LRRN2: variants seen among roughly 807,000 people sequenced by gnomAD.
LRRN2 encodes the protein leucine rich repeat neuronal 2, also known as leucine-rich repeat neuronal protein 2.
Under a neutral mutation model 35.7 loss-of-function variants are expected in LRRN2, and 10 were observed. That is an observed-to-expected ratio of 0.28 (90% CI 0.17 to 0.47). LRRN2 has a LOEUF of 0.47. LRRN2 is among the 20% of genes least tolerant of loss of function. The probability of loss-of-function intolerance (pLI) is 0.99; values close to 1 mark genes in which losing one functional copy is unlikely to be tolerated. For missense variants in LRRN2, 731 were observed against 940.3 expected, an observed-to-expected ratio of 0.78 and a Z score of 2.91; for synonymous variants, 391 against 409.6, an observed-to-expected ratio of 0.95 and a Z score of 0.55.
intron 1 of LRRN2, among the ~76,000 whole-genome samples, chr1:204,671,922 G>A (rs546955533): frequency 3.0e-4 from 46 of 152,312 alleles, no homozygotes; most frequent in South Asian, 1.9e-3. Flanking sequence ...GTGAGCCCGT[G>A]AAGGGACTGT....
At chr1:204,680,506 G>A (rs16854117) in intron 1 of LRRN2, among the ~76,000 whole-genome samples, 27,473 of 152,214 alleles carry the variant, frequency 0.18, 2,766 homozygotes, top group East Asian at 0.37. Flanking sequence ...AGGCCAAGGC[G>A]TCTCCCAGGT....
At chr1:204,672,160 T>A (rs1342899979) in intron 1 of LRRN2, among the ~76,000 whole-genome samples, 1 of 152,224 alleles carries the variant, frequency 6.6e-6, no homozygotes, top group Non-Finnish European at 1.5e-5. Flanking sequence ...GCACATGAAG[T>A]AGCCCCTCCA....
At position 204,619,126 on chromosome 1, in the gene LRRN2, C is replaced by A. The variant is rs1481998532; in HGVS notation, c.867G>T (p.Glu289Asp). 1 of 1,613,126 alleles carries A rather than the reference C, an allele frequency of 6.2e-7. No individual in the cohort carries two copies. Among genetic ancestry groups the A allele is most frequent in the South Asian group, 1.1e-5 (1 of 90,982 alleles). ...GCTCCTCCATGTTGTTCAGTCCCAGCTCCTTAAGGTGCAGCATGTTGGCAA... is the reference window on the plus strand; with the variant it reads ...GCTCCTCCATGTTGTTCAGTCCCAGATCCTTAAGGTGCAGCATGTTGGCAA... The part of the protein sequence containing the change: ...GDFANMLHLK[E>D]LGLNNMEELV... Residue 289 changes from glutamate (E) to aspartate (D), a missense_variant, in exon 2 of 2, where the codon GAG becomes GAT. Around this residue, in one of 3 missense-constraint regions of LRRN2, gnomAD observed 256 missense variants for 392.4 expected, o/e 0.65. Coordinates refer to ENST00000367177, the MANE Select transcript of LRRN2 (RefSeq NM_201630.2).
At chr1:204,656,125 G>T (rs1239406342) in intron 1 of LRRN2, among the ~76,000 whole-genome samples, 2 of 151,948 alleles carry the variant, frequency 1.3e-5, no homozygotes, top group African/African-American at 4.8e-5. Context: ...TAGCCAGGAT[G>T]GTCTCGATCT....
intron 1 of LRRN2, among the ~76,000 whole-genome samples, chr1:204,623,658 G>T (rs1032628452): frequency 1.3e-5 from 2 of 152,302 alleles, no homozygotes; most frequent in South Asian, 2.1e-4. Flanking sequence ...AGTTTCTACC[G>T]GGGAGCTGCA....
intron 1 of LRRN2, among the ~76,000 whole-genome samples, chr1:204,654,283 C>A (rs560222062): frequency 6.6e-6 from 1 of 152,082 alleles, no homozygotes; most frequent in Admixed American, 6.5e-5. Flanking sequence ...GTACGAGGAG[C>A]CTTCTGGGTA....
At chr1:204,668,018 G>T (rs553398240) in intron 1 of LRRN2, among the ~76,000 whole-genome samples, 1 of 152,272 alleles carries the variant, frequency 6.6e-6, no homozygotes, top group East Asian at 1.9e-4. Context: ...CTCACTCTGT[G>T]GACTCTCTGG....
chr1:204,675,245 G>A, intron 1 of LRRN2, among the ~76,000 whole-genome samples: 1 of 152,200 alleles, frequency 6.6e-6, no homozygotes, highest in East Asian at 1.9e-4. Context: ...ACTGGGTTCT[G>A]GTCCACCGCT....
At position 204,619,902 on chromosome 1, in the gene LRRN2, G is replaced by C. The variant is rs751645064; in HGVS notation, c.91C>G (p.Pro31Ala). 3 of 1,613,896 alleles carry C rather than the reference G, an allele frequency of 1.9e-6. No individual in the cohort carries two copies. The South Asian group carries it at 3.3e-5, about 18-fold the overall frequency. Residue 31 changes from proline (P) to alanine (A), a missense_variant, in exon 2 of 2, where the codon CCT (proline) becomes GCT (alanine). By Grantham distance (27) the Pro-to-Ala change is conservative (BLOSUM62 -1). This residue lies in a region of LRRN2 where 246 missense variants were observed against 289.5 expected (regional missense o/e 0.85). Transcript: ENST00000367177. The part of the protein sequence containing the change: ...PVVPWHVPCP[P>A]QCACQIRPWY... ...GGCCGGATCTGGCAGGCACACTGAG[G>C]GGGGCAGGGAACATGCCAGGGTACC...
chr1:204,657,298 C>T (rs534097601), intron 1 of LRRN2, among the ~76,000 whole-genome samples: 2 of 149,950 alleles, frequency 1.3e-5, no homozygotes, highest in Admixed American at 6.7e-5. Flanking sequence ...CAGTGAGACC[C>T]CATCTCAAAA....
At chr1:204,676,212 C>T (rs1295341642) in intron 1 of LRRN2, among the ~76,000 whole-genome samples, 1 of 151,590 alleles carries the variant, frequency 6.6e-6, no homozygotes, top group Non-Finnish European at 1.5e-5. Flanking sequence ...AAAAGGCATG[C>T]CAATCTAACA....
chr1:204,650,508 G>T (rs1436052734), intron 1 of LRRN2, among the ~76,000 whole-genome samples: 1 of 152,048 alleles, frequency 6.6e-6, no homozygotes, highest in Non-Finnish European at 1.5e-5. Context: ...CTTACCCTCA[G>T]GTGGGAAGAG....
intron 1 of LRRN2, among the ~76,000 whole-genome samples, chr1:204,642,631 G>GT (rs1445464032): frequency 6.6e-6 from 1 of 152,178 alleles, no homozygotes; most frequent in African/African-American, 2.4e-5. Flanking sequence ...AACTGCCCCG[G>GT]CCTCTGCAGC....
chr1:204,629,323 G>C (rs1420385446), intron 1 of LRRN2: 2 of 152,254 alleles, frequency 1.3e-5, no homozygotes, highest in African/African-American at 4.8e-5. Flanking sequence ...TGACGACCAG[G>C]CTCTACCACC....
chr1:204,655,163 C>T (rs2782522), intron 1 of LRRN2, among the ~76,000 whole-genome samples: 139,937 of 152,298 alleles, frequency 0.92, 64,713 homozygotes, highest in East Asian at 1. Context: ...TGAGGTAAGT[C>T]CTCCAAGAGT....
At chr1:204,630,727 A>T (rs1297599331) in intron 1 of LRRN2, among the ~76,000 whole-genome samples, 1 of 151,776 alleles carries the variant, frequency 6.6e-6, no homozygotes, top group East Asian at 1.9e-4. Context: ...GCCCCTCCCC[A>T]GTCCCACAGG....
At chr1:204,631,030 A>C (rs1041115119) in intron 1 of LRRN2, among the ~76,000 whole-genome samples, 8 of 151,580 alleles carry the variant, frequency 5.3e-5, no homozygotes, top group East Asian at 2.0e-4. Context: ...TAGTCTACGC[A>C]TCACCTGGAA....
At chr1:204,669,227 T>A (rs1178463612) in intron 1 of LRRN2, among the ~76,000 whole-genome samples, 1 of 152,220 alleles carries the variant, frequency 6.6e-6, no homozygotes, top group Non-Finnish European at 1.5e-5. Context: ...GACTTTTGAA[T>A]CTTTGGTTGG....
At chr1:204,666,418 T>C (rs2102621924) in intron 1 of LRRN2, among the ~76,000 whole-genome samples, 1 of 152,380 alleles carries the variant, frequency 6.6e-6, no homozygotes, top group East Asian at 1.9e-4. Flanking sequence ...TCAGTTGAGC[T>C]TGTACAATAA....
Sources: allele counts gnomAD v4.1 joint callset (sites outside exome capture counted in the v4.1 genomes callset), GRCh38; gene constraint gnomAD v4.1.1; regional missense constraint gnomAD v4.1.1; transcripts MANE v1.5; gene names NCBI Gene and HGNC (gene_info 2026-07-23, HGNC 2026-07-21).